SFXN5: variants seen among roughly 807,000 people sequenced by gnomAD.
SFXN5 encodes sideroflexin-5.
Under a neutral mutation model 50.2 loss-of-function variants are expected in SFXN5, and 43 were observed. The ratio of observed to expected loss-of-function variants is 0.86; its 90% CI spans 0.67 to 1.11. The LOEUF is 1.11. Among genes scored for constraint, SFXN5 ranks in the 50% least tolerant of loss-of-function variants. The probability of loss-of-function intolerance (pLI) is 0.00; values close to 1 mark genes in which losing one functional copy is unlikely to be tolerated. For missense variants in SFXN5, 463 were observed against 454.1 expected (o/e 1.02, Z -0.18); for synonymous variants, 203 against 185.8 (o/e 1.09, Z -0.75).
chr2:72,958,003 C>G (rs1673298358), intron 13 of SFXN5, among the ~76,000 whole-genome samples: 1 of 152,244 alleles, frequency 6.6e-6, no homozygotes, highest in African/African-American at 2.4e-5. Context: ...ACTCCCATGT[C>G]TATTTGAAGT....
intron 9 of SFXN5, 28 bp from the exon 10 acceptor site, chr2:72,988,376 A>C: frequency 6.2e-7 from 1 of 1,601,594 alleles, no homozygotes; most frequent in Non-Finnish European, 8.5e-7. Context: ...AAAAACACAG[A>C]AAAAGTACAT....
At chr2:72,955,272 G>A (rs998985056) in intron 13 of SFXN5, among the ~76,000 whole-genome samples, 4 of 109,860 alleles carry the variant, frequency 3.6e-5, no homozygotes, top group Admixed American at 1.6e-4. Context: ...CGGCTGGCTC[G>A]CTCGCCCGCC....
At chr2:73,056,754 AC>A (rs1682190758) in intron 2 of SFXN5, among the ~76,000 whole-genome samples, 2 of 152,222 alleles carry the variant, frequency 1.3e-5, no homozygotes, top group South Asian at 4.1e-4. Flanking sequence ...CTGAAATAAA[AC>A]AAGATTTTTA....
Position 72,977,985 on chromosome 2 carries a change from AAAAG to A in SFXN5, c.626-6304_626-6301del, listed in dbSNP as rs1670836154. 2.8e-5 allele frequency among the ~76,000 whole-genome samples: 4 copies of A among 145,104 alleles called. No homozygotes were observed. The East Asian group carries it at 6.2e-4, about 22-fold the overall frequency. ...GAGACTCTGCCTCAGAAAAAAAAAAAAAAGAAAGAAAGAATAAGGAAAAAAAAAA... is the reference window on the plus strand; with the variant it reads ...GAGACTCTGCCTCAGAAAAAAAAAAAAAAGAAAGAATAAGGAAAAAAAAAA... On this transcript the variant is annotated intron_variant, in intron 10 of 13. Coordinates refer to ENST00000272433, the MANE Select transcript of SFXN5 (RefSeq NM_144579.3).
At chr2:72,971,264 G>A (rs957669146) in intron 11 of SFXN5, among the ~76,000 whole-genome samples, 50 of 152,270 alleles carry the variant, frequency 3.3e-4, no homozygotes, top group African/African-American at 1.2e-3. Flanking sequence ...AGAGCTCTGA[G>A]GGAGTCTCCT....
At chr2:72,971,453 T>C (rs1381318404) in intron 11 of SFXN5, 117 bp downstream of exon 11, 19 of 680,988 alleles carry the variant, frequency 2.8e-5, no homozygotes, top group Admixed American at 1.7e-4. Flanking sequence ...GGAGGAGACA[T>C]CAAGATGCCA....
intron 13 of SFXN5, among the ~76,000 whole-genome samples, chr2:72,959,323 C>T (rs1455076496): frequency 6.6e-6 from 1 of 152,110 alleles, no homozygotes; most frequent in Non-Finnish European, 1.5e-5. Context: ...ATCTCTCAGC[C>T]CCCCTCACCC....
chr2:73,022,685 G>T (rs1574144421), intron 4 of SFXN5, 109 bp from the exon 5 acceptor site: 6 of 724,872 alleles, frequency 8.3e-6, no homozygotes, highest in South Asian at 1.6e-5. Flanking sequence ...GGAGGAAGAA[G>T]GGAAGAAGAC....
At chr2:73,069,518 A>C (rs1224673925) in intron 1 of SFXN5, among the ~76,000 whole-genome samples, 2 of 152,154 alleles carry the variant, frequency 1.3e-5, no homozygotes, top group Non-Finnish European at 2.9e-5. Flanking sequence ...GAGGAAAGAG[A>C]AGATCCTTAA....
intron 13 of SFXN5, chr2:72,957,030 C>T (rs763007545): frequency 2.2e-6 from 1 of 456,746 alleles, no homozygotes; most frequent in Non-Finnish European, 4.4e-6. Context: ...CCTCAGCTTC[C>T]ATGAAGTTAC....
chr2:73,059,928 T>G, intron 1 of SFXN5: 1 of 926,700 alleles, frequency 1.1e-6, no homozygotes, highest in Non-Finnish European at 1.3e-6. Flanking sequence ...GGTGGATGGT[T>G]AAATAAATGA....
intron 10 of SFXN5, among the ~76,000 whole-genome samples, chr2:72,984,050 C>T (rs779338092): frequency 2.0e-5 from 3 of 152,198 alleles, no homozygotes; most frequent in South Asian, 2.1e-4. Context: ...CACAATTAGG[C>T]GTGACAGTCC....
At chr2:73,059,052 G>A (rs919041281) in intron 1 of SFXN5, 27 of 996,206 alleles carry the variant, frequency 2.7e-5, no homozygotes, top group Admixed American at 5.5e-5. Flanking sequence ...CCTCCAGGGG[G>A]GATCCCCAAG....
intron 1 of SFXN5, among the ~76,000 whole-genome samples, chr2:73,061,306 T>TGAAAAAAAAAAAAAAAAAAAA: frequency 8.5e-6 from 1 of 118,144 alleles, no homozygotes; most frequent in Admixed American, 9.1e-5. Flanking sequence ...AGACTCTGTC[T>TGAAAAAAAAAAAAAAAAAAAA]CAAAAAAAAA....
rs940867548 is a variant in SFXN5, at chr2:72,950,330, G to C, written c.946-5231C>G. ...CTTTGGTCTTGGCAACTGGATTTCA[G>C]TGACTGCCTGGGGTCCACATTGTCC... On this transcript the variant is annotated intron_variant, in intron 13 of 13. Coordinates refer to ENST00000272433, the MANE Select transcript of SFXN5 (RefSeq NM_144579.3). The surrounding 1 kb of genome is among the most constrained non-coding windows in gnomAD (Gnocchi z 4.2). Among the ~76,000 whole-genome samples the C allele has an allele frequency of 1.3e-5, 2 of 152,168 alleles. No individual in the cohort carries two copies. Among genetic ancestry groups the C allele is most frequent in the Admixed American group, 1.3e-4 (2 of 15,280 alleles).
intron 13 of SFXN5, among the ~76,000 whole-genome samples, chr2:72,947,648 G>A (rs565779419): frequency 1.3e-5 from 2 of 152,360 alleles, no homozygotes; most frequent in African/African-American, 4.8e-5. Context: ...AAGAGGGAGT[G>A]TAGTGAGGAC....
intron 6 of SFXN5, among the ~76,000 whole-genome samples, chr2:73,009,853 GGA>G (rs869160250): frequency 7.2e-6 from 1 of 139,170 alleles, no homozygotes; most frequent in African/African-American, 2.8e-5. Context: ...GGTAGGGTAA[GGA>G]GAGAGTGGAA....
In SFXN5 at chr2:73,000,431, C is replaced by T; in HGVS notation, c.468G>A (p.Lys156=). 3.9e-6 allele frequency: 6 copies of T among 1,556,984 alleles called. No homozygotes were observed. Among genetic ancestry groups the T allele is most frequent in the Non-Finnish European group, 5.2e-6 (6 of 1,149,262 alleles). ...CVNYANRNAT[K]PSPASKFIQG... ...CTGGGGAGAGGGCAGTGATGCTCACCTTGGTCGCATTGCGGTTTGCATAGT... is the reference window on the plus strand; with the variant it reads ...CTGGGGAGAGGGCAGTGATGCTCACTTTGGTCGCATTGCGGTTTGCATAGT... Residue 156 remains lysine (K), a splice_region_variant and synonymous_variant, in exon 8 of 14, where the codon AAG becomes AAA. Coordinates refer to ENST00000272433, the MANE Select transcript of SFXN5 (RefSeq NM_144579.3).
chr2:73,056,273 T>C (rs1682106876), intron 2 of SFXN5, among the ~76,000 whole-genome samples: 1 of 152,152 alleles, frequency 6.6e-6, no homozygotes. Flanking sequence ...TCCCAGCTAA[T>C]TTGGAGGCTG....
Sources: gnomAD v4.1 joint callset for allele counts (sites outside exome capture counted in the v4.1 genomes callset) on GRCh38, gnomAD v4.1.1 for gene constraint, Gnocchi (gnomAD v3.1) non-coding constraint, MANE v1.5 for transcripts, NCBI Gene and HGNC (gene_info 2026-07-23, HGNC 2026-07-21) for gene names.